Variants in HAPLN2 observed in about 807,000 individuals in gnomAD.
HAPLN2 encodes brain link protein-1.
A neutral mutation model predicts 29.3 loss-of-function variants in HAPLN2; 27 were observed. The observed-to-expected ratio is 0.92, with a 90% CI of 0.68 to 1.27. HAPLN2 has a LOEUF of 1.27. Ranked by LOEUF, HAPLN2 falls within the 50% of genes most tolerant of loss-of-function variation. The probability of loss-of-function intolerance (pLI) is 0.00; values close to 1 mark genes in which losing one functional copy is unlikely to be tolerated. For missense variants in HAPLN2, 454 were observed against 484.3 expected (o/e 0.94, Z 0.59); for synonymous variants, 208 against 211.7 (o/e 0.98, Z 0.15).
At position 156,624,122 on chromosome 1, in the gene HAPLN2, T is replaced by A. The variant is rs778916637; in HGVS notation, c.401T>A (p.Ile134Asn). Residue 134 changes from isoleucine to asparagine, a missense_variant, in exon 4 of 7, where the codon ATC becomes AAC. Transcript: ENST00000255039. Reference protein sequence around the residue: ...GRYRCELINGIEDESVALTLS... With the variant: ...GRYRCELINGNEDESVALTLS... ...TACCGCTGCGAGCTCATCAACGGCA[T>A]CGAGGACGAGAGCGTGGCGCTGACC... 3.7e-6 allele frequency: 6 copies of A among 1,613,562 alleles called. No individual in the cohort carries two copies. Among genetic ancestry groups the A allele is most frequent in the Non-Finnish European group, 5.1e-6 (6 of 1,179,882 alleles).
rs1678408633 is a variant in HAPLN2, at chr1:156,625,229, T to G, written c.868T>G (p.Cys290Gly). Residue 290 changes from cysteine to glycine, a missense_variant, in exon 7 of 7, where the codon TGC becomes GGC. Cys to Gly is a radical substitution (Grantham distance 159). This residue lies in a region of HAPLN2 where 235 missense variants were observed against 236.9 expected (regional missense o/e 0.99). Transcript: ENST00000255039. This position sits in a 1 kb window ranked among gnomAD's most constrained non-coding sequence, Gnocchi z 5.7. ...AAWKFSGLDQ[C>G]DGGWLADGSV... is the part of the protein sequence containing the mutation. ...CTGGAAGTTTTCGGGGCTAGACCAG[T>G]GCGACGGCGGCTGGCTGGCTGACGG... is the stretch of plus-strand genomic sequence containing the variant. 6.4e-7 allele frequency: 1 copy of G among 1,570,736 alleles called. No individual in the cohort carries two copies.
Position 156,625,106 on chromosome 1 carries a change from G to C in HAPLN2, c.745G>C (p.Val249Leu), listed in dbSNP as rs1191056989. ...TGACCCGCTGTGGTCCCCAGGCCAAGTGTTCTTCGTGCCCGGGCGGCTGAC... is the reference window on the plus strand; with the variant it reads ...TGACCCGCTGTGGTCCCCAGGCCAACTGTTCTTCGTGCCCGGGCGGCTGAC... ...FCFTSALAGQVFFVPGRLTLS... is the reference protein window; with the variant it reads ...FCFTSALAGQLFFVPGRLTLS... Residue 249 changes from valine to leucine, a missense_variant, in exon 7 of 7, where the codon GTG becomes CTG. Physicochemically the swap from Val to Leu is conservative, Grantham distance 32 (BLOSUM62 1). Transcript: ENST00000255039. The surrounding 1 kb of genome is among the most constrained non-coding windows in gnomAD (Gnocchi z 5.7). 15 of 1,537,914 alleles carry C rather than the reference G, an allele frequency of 9.8e-6. No individual in the cohort carries two copies. In the Admixed American group the frequency reaches 2.9e-4, roughly 30 times the overall value.
At chr1:156,617,299 C>G (rs1029519624), upstream of HAPLN2, among the ~76,000 whole-genome samples, 5 of 151,474 alleles carry the variant, frequency 3.3e-5, no homozygotes, top group Admixed American at 3.3e-4. Context: ...CCATCTCCTC[C>G]TCTAGTAAAT....
the HAPLN2 span, among the ~76,000 whole-genome samples, chr1:156,603,044 G>A: frequency 6.6e-6 from 1 of 151,970 alleles, no homozygotes; most frequent in Admixed American, 6.6e-5. Flanking sequence ...CATGCTACAT[G>A]GGGACAATAC....
At chr1:156,611,621 A>G in the HAPLN2 span, among the ~76,000 whole-genome samples, 1 of 152,138 alleles carries the variant, frequency 6.6e-6, no homozygotes, top group Non-Finnish European at 1.5e-5. Context: ...ATAATAATAA[A>G]CAAACAAACA....
chr1:156,623,496 AGGCT>A lies in HAPLN2; in HGVS notation c.11_14del (p.Trp4SerfsTer78), dbSNP rs757234514. 6.2e-7 allele frequency: 1 copy of A among 1,613,998 alleles called. No homozygotes were observed. Among genetic ancestry groups the A allele is most frequent in the Non-Finnish European group, 8.5e-7 (1 of 1,179,988 alleles). On this transcript the variant is annotated frameshift_variant, in exon 3 of 7. Coordinates refer to ENST00000255039, the MANE Select transcript of HAPLN2 (RefSeq NM_021817.3). LOFTEE classifies it high-confidence loss of function. ...TGCCGGGCTGACCCCCCATCATGCC[AGGCT>A]GGCTCACCCTCCCCACACTCTGCCG...
chr1:156,605,629 G>T, the HAPLN2 span, among the ~76,000 whole-genome samples: 1 of 149,298 alleles, frequency 6.7e-6, no homozygotes, highest in Non-Finnish European at 1.5e-5. Context: ...AAAGCAAAGG[G>T]CCCAGAATAG....
intron 2 of HAPLN2, among the ~76,000 whole-genome samples, 187 bp from the exon 3 acceptor site, chr1:156,623,268 AGAGAGGGAGAGG>A: frequency 6.6e-6 from 1 of 152,066 alleles, no homozygotes; most frequent in Admixed American, 6.6e-5. Flanking sequence ...TGACAGAGGA[AGAGAGGGAGAGG>A]AAGGGGATTG....
chr1:156,618,528 C>T (rs1412920379), upstream of HAPLN2, among the ~76,000 whole-genome samples: 2 of 151,668 alleles, frequency 1.3e-5, no homozygotes, highest in Non-Finnish European at 2.9e-5. Flanking sequence ...GCCTGTAATC[C>T]CAGCACTTTG....
the HAPLN2 span, among the ~76,000 whole-genome samples, chr1:156,603,185 C>T: frequency 2.0e-5 from 3 of 151,838 alleles, no homozygotes; most frequent in Non-Finnish European, 4.4e-5. Context: ...CTCCTTTTCC[C>T]ATTCTGCCAC....
the HAPLN2 span, among the ~76,000 whole-genome samples, chr1:156,606,298 C>T: frequency 3.7e-3 from 566 of 152,016 alleles, 5 homozygotes; most frequent in African/African-American, 0.013. Flanking sequence ...TAAAAATTAA[C>T]TGAATGTGGC....
upstream of HAPLN2, chr1:156,615,051 G>A (rs1007274729): frequency 6.6e-6 from 1 of 152,168 alleles, no homozygotes; most frequent in Non-Finnish European, 1.5e-5. Context: ...ACAATCATTT[G>A]CTTCTGTGTC....
At chr1:156,623,057 T>TA (rs1678299763) in intron 2 of HAPLN2, among the ~76,000 whole-genome samples, 1 of 119,582 alleles carries the variant, frequency 8.4e-6, no homozygotes, top group Non-Finnish European at 1.8e-5. Context: ...AATAAATAAA[T>TA]AAATAAATAA....
At chr1:156,616,163 G>C (rs193275691), upstream of HAPLN2, among the ~76,000 whole-genome samples, 334 of 152,150 alleles carry the variant, frequency 2.2e-3, 2 homozygotes, top group African/African-American at 7.8e-3. Context: ...AGGAGATGTC[G>C]GGACTCCGTG....
chr1:156,613,713 C>T, the HAPLN2 span, among the ~76,000 whole-genome samples: 1 of 151,852 alleles, frequency 6.6e-6, no homozygotes. Context: ...GTCAGAAGTT[C>T]GAGATCAGCC....
chr1:156,625,505 T>C lies in HAPLN2; in HGVS notation c.*121T>C. On this transcript the variant is annotated 3_prime_UTR_variant, in exon 7 of 7. Transcript: ENST00000255039. The surrounding 1 kb of genome is among the most constrained non-coding windows in gnomAD (Gnocchi z 5.7). ...AGACCCGGAGCGGCCTCTCCAGACC[T>C]GCCTTCCCAGCCGGGGGCTGCGGGC... 1 of 1,035,676 alleles carries C rather than the reference T, an allele frequency of 9.7e-7. No individual in the cohort carries two copies. The highest frequency in any genetic ancestry group is 1.3e-6 in the Non-Finnish European group (1 of 762,628). 64.2% of individuals were successfully genotyped at this position (1,035,676 alleles called of 1,614,324 possible). A position where few individuals can be genotyped will look rare whatever the true frequency, so the allele number is the denominator to read the frequency against.
chr1:156,624,067 G>C lies in HAPLN2; in HGVS notation c.346G>C (p.Ala116Pro), dbSNP rs1368651012. The C allele has an allele frequency of 1.2e-6, 2 of 1,613,578 alleles. No homozygotes were observed. The highest frequency in any genetic ancestry group is 3.3e-5 in the Admixed American group (2 of 59,994). Reference protein sequence around the residue: ...GHRLDASLVIAGVRLEDEGRY... With the variant: ...GHRLDASLVIPGVRLEDEGRY... The stretch of plus-strand genomic sequence containing the variant: ...TCGACTAGACGCCTCCCTGGTCATC[G>C]CGGGCGTGCGCCTGGAGGACGAGGG... Residue 116 changes from alanine (A) to proline (P), a missense_variant, in exon 4 of 7, where the codon GCG (alanine) becomes CCG (proline). Around this residue, in one of 3 missense-constraint regions of HAPLN2, gnomAD observed 204 missense variants for 209.2 expected, o/e 0.98. Coordinates refer to ENST00000255039, the MANE Select transcript of HAPLN2 (RefSeq NM_021817.3).
chr1:156,601,563 C>G, the HAPLN2 span: 1 of 1,145,484 alleles, frequency 8.7e-7, no homozygotes, highest in African/African-American at 1.6e-5. Context: ...GAAACCATTG[C>G]GGAGCCCAAT....
the HAPLN2 span, among the ~76,000 whole-genome samples, chr1:156,606,125 A>T: frequency 5.9e-5 from 9 of 152,152 alleles, no homozygotes; most frequent in Admixed American, 1.3e-4. Flanking sequence ...CTTAGCCAGC[A>T]TGGTGGCAGG....
Sources: gnomAD v4.1 joint callset for allele counts (sites outside exome capture counted in the v4.1 genomes callset) on GRCh38, gnomAD v4.1.1 for gene constraint, gnomAD v4.1.1 regional missense constraint, Gnocchi (gnomAD v3.1) non-coding constraint, MANE v1.5 for transcripts, NCBI Gene and HGNC (gene_info 2026-07-23, HGNC 2026-07-21) for gene names.